Variants in CHL1 observed in about 807,000 individuals in gnomAD.
The protein encoded by CHL1 is neural cell adhesion molecule L1-like protein.
Under a neutral mutation model 141.9 loss-of-function variants are expected in CHL1, and 96 were observed. The observed-to-expected ratio is 0.68, with a 90% CI of 0.57 to 0.80. CHL1 has a LOEUF of 0.80. CHL1 is among the 30% of genes least tolerant of loss of function. The pLI, the probability that CHL1 is intolerant of heterozygous loss-of-function variation, is 0.00. For synonymous variants in CHL1, 613 were observed against 502.2 expected, an observed-to-expected ratio of 1.22 and a Z score of -2.95; for missense variants, 1,820 against 1,457.2, an observed-to-expected ratio of 1.25 and a Z score of -4.05.
intron 1 of CHL1, among the ~76,000 whole-genome samples, chr3:200,501 A>G (rs1373206420): frequency 6.6e-6 from 1 of 152,228 alleles, no homozygotes; most frequent in Non-Finnish European, 1.5e-5. Context: ...TTCAATTATG[A>G]ACATTTTGAT....
At chr3:304,656 G>A (rs368839894) in intron 2 of CHL1, among the ~76,000 whole-genome samples, 12 of 151,896 alleles carry the variant, frequency 7.9e-5, no homozygotes, top group Admixed American at 1.3e-4. Context: ...TCTGGCTAGC[G>A]GTCTAACTAT....
chr3:287,775 T>G (rs993542154), intron 2 of CHL1, among the ~76,000 whole-genome samples: 1 of 151,932 alleles, frequency 6.6e-6, no homozygotes, highest in Non-Finnish European at 1.5e-5. Flanking sequence ...TTTTTTTGTT[T>G]TTTTTTTTGA....
intron 2 of CHL1, among the ~76,000 whole-genome samples, chr3:291,034 T>A (rs1268699113): frequency 6.6e-6 from 1 of 152,074 alleles, no homozygotes; most frequent in Non-Finnish European, 1.5e-5. Flanking sequence ...AATAACATAG[T>A]CATTGAAATT....
intron 19 of CHL1, 36 bp downstream of exon 19, chr3:383,922 G>A: frequency 4.2e-6 from 6 of 1,443,268 alleles, no homozygotes; most frequent in South Asian, 1.2e-5. Flanking sequence ...ATTTCTTTGT[G>A]CTTTTCTCTT....
At chr3:329,004 A>G (rs1701230445) in intron 5 of CHL1, among the ~76,000 whole-genome samples, 1 of 152,188 alleles carries the variant, frequency 6.6e-6, no homozygotes, top group Admixed American at 6.6e-5. Flanking sequence ...GGTAATGTTA[A>G]CCGTAAATAA....
At chr3:405,024 G>A (rs9865865) in intron 27 of CHL1, among the ~76,000 whole-genome samples, 13,406 of 151,912 alleles carry the variant, frequency 0.088, 1,660 homozygotes, top group African/African-American at 0.27. Flanking sequence ...AGCTCTCTGG[G>A]GCCTCTTCTC....
intron 2 of CHL1, 140 bp from the exon 3 acceptor site, chr3:319,543 C>T (rs58176567): frequency 0.018 from 7,485 of 416,544 alleles, 480 homozygotes; most frequent in African/African-American, 0.15. Flanking sequence ...TTCATTCATG[C>T]GGAGTTATGA....
intron 1 of CHL1, among the ~76,000 whole-genome samples, chr3:205,230 C>T (rs62228272): frequency 0.012 from 1,764 of 152,032 alleles, 15 homozygotes; most frequent in Non-Finnish European, 0.017. Flanking sequence ...CTCACCTCAG[C>T]CTCCCAAAGT....
At chr3:201,133 A>G (rs1253408648) in intron 1 of CHL1, among the ~76,000 whole-genome samples, 1 of 152,212 alleles carries the variant, frequency 6.6e-6, no homozygotes, top group Non-Finnish European at 1.5e-5. Flanking sequence ...TGGGTTAGGA[A>G]GCTCAATGAA....
intron 2 of CHL1, among the ~76,000 whole-genome samples, chr3:314,276 C>A (rs1699977301): frequency 7.1e-6 from 1 of 141,476 alleles, no homozygotes; most frequent in African/African-American, 2.6e-5. Context: ...GAAAGATTAG[C>A]ATAACCTCCC....
Position 360,405 on chromosome 3 carries a change from T to C in CHL1, c.1287T>C (p.Asn429=), listed in dbSNP as rs372696357. 4.3e-6 allele frequency: 7 copies of C among 1,613,376 alleles called. No homozygotes were observed. Among genetic ancestry groups the C allele is most frequent in the Non-Finnish European group, 5.1e-6 (6 of 1,179,702 alleles). The change falls in exon 12 of 28, where the codon AAT becomes AAC. Residue 429 remains asparagine (N), a synonymous_variant. Transcript: ENST00000256509. The part of the protein sequence containing the change: ...ASNVHGTILA[N]ANIDVVDVRP... ...ATGTCCATGGAACTATCCTTGCCAA[T>C]GCCAATATTGATGTTGTGGGTGAGT...
intron 10 of CHL1, among the ~76,000 whole-genome samples, chr3:352,075 T>A (rs184964152): frequency 8.5e-5 from 13 of 152,154 alleles, no homozygotes; most frequent in African/African-American, 3.1e-4. Context: ...GTAAGTGAAA[T>A]AGGAAAGCAT....
chr3:358,818 C>T (rs961709254), intron 11 of CHL1, among the ~76,000 whole-genome samples: 8 of 151,510 alleles, frequency 5.3e-5, no homozygotes, highest in Non-Finnish European at 7.4e-5. Context: ...GTCATTATCT[C>T]GTATAATGGA....
intron 19 of CHL1, among the ~76,000 whole-genome samples, chr3:385,989 T>C (rs886864293): frequency 1.4e-4 from 22 of 152,102 alleles, no homozygotes; most frequent in Admixed American, 1.3e-3. Context: ...TATCTTGATG[T>C]GTCAGAGATC....
intron 2 of CHL1, among the ~76,000 whole-genome samples, chr3:270,666 T>C (rs6764363): frequency 0.34 from 52,345 of 152,174 alleles, 9,258 homozygotes; most frequent in Middle Eastern, 0.41. Flanking sequence ...TTGCTCACGA[T>C]ATTGTGGATT....
chr3:352,610 T>C (rs3773393), intron 10 of CHL1, among the ~76,000 whole-genome samples: 75,908 of 152,018 alleles, frequency 0.5, 20,680 homozygotes, highest in Admixed American at 0.67. Context: ...ATTTTTGGTT[T>C]TAAGGCTCAA....
At position 272,094 on chromosome 3, in the gene CHL1, C is replaced by G. The variant is rs1009019277; in HGVS notation, c.-95+27402C>G. 7.9e-5 allele frequency among the ~76,000 whole-genome samples: 12 copies of G among 152,228 alleles called. 1 individual carries two copies. The highest frequency in any genetic ancestry group is 7.9e-4 in the Admixed American group (12 of 15,284). ...TATAAATAACATTCATATAGATAAT[C>G]TTACCAGTTGCTATCAATACAGGGA... On this transcript the variant is annotated intron_variant, in intron 2 of 27. Transcript: ENST00000256509.
intron 1 of CHL1, 94 bp from the exon 2 acceptor site, chr3:244,519 A>G (rs1299360453): frequency 1.3e-5 from 2 of 151,552 alleles, no homozygotes; most frequent in Admixed American, 1.3e-4. Context: ...GAAAAATTAA[A>G]TCCATTTTTT....
chr3:327,292 A>G (rs1040019592), intron 4 of CHL1, among the ~76,000 whole-genome samples: 2 of 151,966 alleles, frequency 1.3e-5, no homozygotes. Flanking sequence ...CCAATATACA[A>G]TGCTGAATAC....
Sources: gnomAD v4.1 joint callset for allele counts (sites outside exome capture counted in the v4.1 genomes callset) on GRCh38, gnomAD v4.1.1 for gene constraint, MANE v1.5 for transcripts, NCBI Gene and HGNC (gene_info 2026-07-23, HGNC 2026-07-21) for gene names.